Variants in FSTL5 observed in about 807,000 individuals in gnomAD.
The protein encoded by FSTL5 is follistatin-related protein 5.
A neutral mutation model predicts 89.1 loss-of-function variants in FSTL5; 62 were observed. The ratio of observed to expected loss-of-function variants is 0.70; its 90% CI spans 0.57 to 0.86. The LOEUF (loss-of-function observed/expected upper bound fraction) is 0.86, where lower values mean the gene tolerates loss of function less well. FSTL5 is among the 40% of genes least tolerant of loss of function. The pLI is 0.00. For missense variants in FSTL5, 1,057 were observed against 1,001.6 expected (o/e 1.06, Z -0.75); for synonymous variants, 383 against 346.2 (o/e 1.11, Z -1.18).
chr4:161,729,939 A>G lies in FSTL5; in HGVS notation c.727+29472T>C, dbSNP rs115668856. Among the ~76,000 whole-genome samples, 196 of 152,286 alleles carry G rather than the reference A, an allele frequency of 1.3e-3. 1 individual carries two copies. Among genetic ancestry groups the G allele is most frequent in the African/African-American group, 4.1e-3 (172 of 41,564 alleles). Reference sequence around the variant, plus strand: ...GCAATGCTGATCACTACTTCCATCTATGTGTAAATATAGTGTTTTAGTAAT... The same window carrying G: ...GCAATGCTGATCACTACTTCCATCTGTGTGTAAATATAGTGTTTTAGTAAT... On this transcript the variant is annotated intron_variant, in intron 6 of 15. Transcript: ENST00000306100.
At chr4:161,495,257 A>C (rs13148628) in intron 12 of FSTL5, 1 of 152,030 alleles carries the variant, frequency 6.6e-6, no homozygotes, top group African/African-American at 2.4e-5. Context: ...GCTGAATGTA[A>C]AAGTATCAAA....
At chr4:161,699,502 C>T (rs907550057) in intron 6 of FSTL5, among the ~76,000 whole-genome samples, 2 of 152,078 alleles carry the variant, frequency 1.3e-5, no homozygotes, top group African/African-American at 4.8e-5. Flanking sequence ...TAAGAAGTAG[C>T]AGCTTGTGTT....
At chr4:161,937,148 A>G (rs1734455653) in intron 3 of FSTL5, among the ~76,000 whole-genome samples, 1 of 152,174 alleles carries the variant, frequency 6.6e-6, no homozygotes, top group South Asian at 2.1e-4. Flanking sequence ...TACTGTAAAA[A>G]CACAACATAA....
At chr4:161,560,293 A>T (rs1164759683) in intron 8 of FSTL5, among the ~76,000 whole-genome samples, 1 of 152,068 alleles carries the variant, frequency 6.6e-6, no homozygotes, top group East Asian at 1.9e-4. Context: ...TTATAGGATG[A>T]GATGTTGCTG....
At chr4:161,744,476 G>A (rs375749924) in intron 6 of FSTL5, among the ~76,000 whole-genome samples, 61 of 152,152 alleles carry the variant, frequency 4.0e-4, no homozygotes, top group African/African-American at 1.4e-3. Flanking sequence ...ATACATTTAC[G>A]AAGGTGTGGT....
At chr4:161,569,743 T>C (rs1411321064) in intron 8 of FSTL5, among the ~76,000 whole-genome samples, 1 of 140,666 alleles carries the variant, frequency 7.1e-6, no homozygotes, top group Non-Finnish European at 1.5e-5. Flanking sequence ...ATGAGATCTT[T>C]AAGTCCAACA....
intron 4 of FSTL5, among the ~76,000 whole-genome samples, chr4:161,916,906 A>G (rs942317497): frequency 4.6e-5 from 7 of 152,210 alleles, no homozygotes; most frequent in Non-Finnish European, 1.0e-4. Flanking sequence ...AAAACAATGC[A>G]TCAATACACC....
chr4:162,040,326 T>C (rs1578976037), intron 2 of FSTL5, among the ~76,000 whole-genome samples: 1 of 152,066 alleles, frequency 6.6e-6, no homozygotes, highest in Non-Finnish European at 1.5e-5. Flanking sequence ...AACTTGAGAA[T>C]AGGAGAATGT....
chr4:161,830,365 C>A (rs758377716), intron 4 of FSTL5, among the ~76,000 whole-genome samples: 4 of 151,916 alleles, frequency 2.6e-5, no homozygotes, highest in African/African-American at 9.7e-5. Context: ...AGTAAACATA[C>A]GTATAATTGG....
intron 1 of FSTL5, among the ~76,000 whole-genome samples, chr4:162,159,845 T>G (rs1733625918): frequency 6.6e-6 from 1 of 151,970 alleles, no homozygotes; most frequent in South Asian, 2.1e-4. Context: ...TTTCAATTGT[T>G]CCTTGCCTTG....
At chr4:162,159,848 T>G (rs1329105582) in intron 1 of FSTL5, among the ~76,000 whole-genome samples, 1 of 151,964 alleles carries the variant, frequency 6.6e-6, no homozygotes, top group Non-Finnish European at 1.5e-5. Context: ...CAATTGTTCC[T>G]TGCCTTGCCA....
intron 15 of FSTL5, among the ~76,000 whole-genome samples, chr4:161,441,975 T>C (rs1462994659): frequency 2.6e-5 from 4 of 152,196 alleles, no homozygotes; most frequent in South Asian, 4.1e-4. Flanking sequence ...TGCAAATGCT[T>C]TCTTATATTA....
At chr4:161,458,999 A>C (rs1290313875) in intron 14 of FSTL5, among the ~76,000 whole-genome samples, 3 of 152,152 alleles carry the variant, frequency 2.0e-5, no homozygotes, top group African/African-American at 4.8e-5. Flanking sequence ...TTCGCATATA[A>C]ATATAACCTT....
intron 6 of FSTL5, among the ~76,000 whole-genome samples, chr4:161,730,979 TAA>T (rs1401905512): frequency 1.3e-5 from 2 of 152,200 alleles, no homozygotes; most frequent in African/African-American, 4.8e-5. Flanking sequence ...GCAATAAATA[TAA>T]ATCTATAAAT....
At chr4:161,635,174 G>A (rs1030990750) in intron 7 of FSTL5, among the ~76,000 whole-genome samples, 1 of 152,106 alleles carries the variant, frequency 6.6e-6, no homozygotes, top group African/African-American at 2.4e-5. Context: ...AGATCACAAG[G>A]TCAGGAGTTC....
chr4:162,116,096 T>A (rs1386166842), intron 1 of FSTL5, among the ~76,000 whole-genome samples: 1 of 152,144 alleles, frequency 6.6e-6, no homozygotes, highest in African/African-American at 2.4e-5. Context: ...TCTCACTCTG[T>A]TGTGAGTGGG....
intron 11 of FSTL5, among the ~76,000 whole-genome samples, chr4:161,502,376 T>A (rs1730322094): frequency 6.6e-6 from 1 of 151,952 alleles, no homozygotes; most frequent in African/African-American, 2.4e-5. Context: ...GAATTACACA[T>A]GAACGTTTTT....
At chr4:162,023,194 T>A (rs1354600974) in intron 3 of FSTL5, among the ~76,000 whole-genome samples, 1 of 152,096 alleles carries the variant, frequency 6.6e-6, no homozygotes, top group Non-Finnish European at 1.5e-5. Flanking sequence ...TGTGGTATGG[T>A]AAGATTTCCT....
intron 5 of FSTL5, among the ~76,000 whole-genome samples, chr4:161,767,714 A>G (rs943275898): frequency 2.0e-5 from 3 of 152,134 alleles, no homozygotes; most frequent in Non-Finnish European, 4.4e-5. Context: ...CATTACCAGA[A>G]TCGGTTACTG....
Sources: allele counts gnomAD v4.1 joint callset (sites outside exome capture counted in the v4.1 genomes callset), GRCh38; gene constraint gnomAD v4.1.1; transcripts MANE v1.5; gene names NCBI Gene and HGNC (gene_info 2026-07-23, HGNC 2026-07-21).